The following PRR5L variants were observed in gnomAD, a reference collection of about 807,000 sequenced individuals.
The protein encoded by PRR5L is proline-rich protein 5-like.
In PRR5L, 21 loss-of-function variants were observed where a neutral mutation model predicts 36.4. The observed-to-expected ratio is 0.58, with a 90% CI of 0.41 to 0.83. The LOEUF (loss-of-function observed/expected upper bound fraction) is 0.83, where lower values mean the gene tolerates loss of function less well. PRR5L is among the 40% of genes least tolerant of loss of function. PRR5L has a pLI of 0.00. For missense variants in PRR5L, 381 were observed against 473.3 expected (o/e 0.80, Z 1.81); for synonymous variants, 188 against 197.0 (o/e 0.95, Z 0.38).
rs1856847860 is a variant in PRR5L at position 36,344,713 on chromosome 11, T to G, written c.-126+48275T>G. Among the ~76,000 whole-genome samples the G allele has an allele frequency of 1.3e-5, 2 of 152,204 alleles. No homozygotes were observed. The highest frequency in any genetic ancestry group is 2.1e-4 in the South Asian group (1 of 4,832). ...TTTGTAAATAACAAAAAATGAGCAT[T>G]ACTTTTCAAGACTGAGATTAAAAAA... On this transcript the variant is annotated intron_variant, in intron 1 of 8. Coordinates refer to ENST00000530639, the MANE Select transcript of PRR5L (RefSeq NM_001160167.2). The surrounding 1 kb of genome is among the most constrained non-coding windows in gnomAD (Gnocchi z 4.1).
chr11:36,413,080 T>G (rs1410554457), intron 3 of PRR5L, among the ~76,000 whole-genome samples: 1 of 152,068 alleles, frequency 6.6e-6, no homozygotes, highest in African/African-American at 2.4e-5. Context: ...GAATAGAGGT[T>G]TTTTTCAGAA....
intron 1 of PRR5L, among the ~76,000 whole-genome samples, chr11:36,369,382 A>T (rs1857175602): frequency 6.6e-6 from 1 of 152,040 alleles, no homozygotes; most frequent in African/African-American, 2.4e-5. Flanking sequence ...TTTGATTGGC[A>T]CATCTCATCT....
intron 1 of PRR5L, among the ~76,000 whole-genome samples, chr11:36,368,142 T>C (rs1045335724): frequency 9.2e-5 from 14 of 151,930 alleles, no homozygotes; most frequent in African/African-American, 3.1e-4. Flanking sequence ...TTCTGGGATA[T>C]TGGAAAAATT....
At chr11:36,306,883 A>C (rs1005564065) in intron 1 of PRR5L, among the ~76,000 whole-genome samples, 8 of 152,008 alleles carry the variant, frequency 5.3e-5, no homozygotes, top group Non-Finnish European at 1.0e-4. Flanking sequence ...GTGCTAAAAA[A>C]AAGAACATGT....
chr11:36,307,268 A>T (rs189572811), intron 1 of PRR5L, among the ~76,000 whole-genome samples: 22 of 152,190 alleles, frequency 1.4e-4, no homozygotes, highest in Non-Finnish European at 2.2e-4. Flanking sequence ...TCACAATTCC[A>T]TGACAGAGGT....
chr11:36,443,784 G>GACAA lies in PRR5L; in HGVS notation c.445-2516_445-2515insACAA, dbSNP rs1416108564. Among the ~76,000 whole-genome samples, 16 of 152,326 alleles carry GACAA rather than the reference G, an allele frequency of 1.1e-4. No individual in the cohort carries two copies. In the Middle Eastern group the frequency reaches 0.01, roughly 97 times the overall value. Reference sequence around the variant, plus strand: ...AGTTGACAATGGGTGACTGTTGAGTGTCTACCATATACTGGCACTGTTATG... The same window carrying GACAA: ...AGTTGACAATGGGTGACTGTTGAGTGACAATCTACCATATACTGGCACTGTTATG... On this transcript the variant is annotated intron_variant, in intron 6 of 8. Transcript: ENST00000530639.
chr11:36,401,165 A>G lies in PRR5L; in HGVS notation c.44A>G (p.Lys15Arg). ...FAPILPVEFH[K>R]MGSFRRPRPR... ...CCCATTCTGCCCGTCGAGTTCCACA[A>G]GATGGGCTCCTTCCGCAGGCCTAGA... is the stretch of plus-strand genomic sequence containing the variant. The change falls in exon 2 of 9, where the codon AAG (lysine) becomes AGG (arginine). Residue 15 changes from lysine (K) to arginine (R), a missense_variant. By Grantham distance (26) the Lys-to-Arg change is conservative. Transcript: ENST00000530639. 2 of 1,614,162 alleles carry G rather than the reference A, an allele frequency of 1.2e-6. No individual in the cohort carries two copies. The highest frequency in any genetic ancestry group is 1.7e-6 in the Non-Finnish European group (2 of 1,180,030).
At chr11:36,446,743 A>C (rs1054307628) in intron 7 of PRR5L, among the ~76,000 whole-genome samples, 11 of 152,204 alleles carry the variant, frequency 7.2e-5, no homozygotes, top group Admixed American at 5.9e-4. Flanking sequence ...CCAGGGAGCC[A>C]CAAGTTGCAA....
chr11:36,344,958 A>G lies in PRR5L; in HGVS notation c.-126+48520A>G, dbSNP rs577116167. 6.6e-6 allele frequency among the ~76,000 whole-genome samples: 1 copy of G among 152,336 alleles called. No homozygotes were observed. Among genetic ancestry groups the G allele is most frequent in the Admixed American group, 6.5e-5 (1 of 15,300 alleles). On this transcript the variant is annotated intron_variant, in intron 1 of 8. Coordinates refer to ENST00000530639, the MANE Select transcript of PRR5L (RefSeq NM_001160167.2). This position sits in a 1 kb window ranked among gnomAD's most constrained non-coding sequence, Gnocchi z 4.1. The stretch of plus-strand genomic sequence containing the variant: ...GTCATCAAATTTTCAGGCAGGGGCC[A>G]GAAAGGAAAAACTAGTTCACAAAGA...
intron 1 of PRR5L, chr11:36,376,381 C>A (rs1466988046): frequency 2.6e-5 from 30 of 1,148,070 alleles, no homozygotes; most frequent in Admixed American, 4.0e-5. Context: ...AGGAGGCGGC[C>A]GTAAGATGAG....
At position 36,401,149 on chromosome 11, in the gene PRR5L, C is replaced by T. The variant is rs762312605; in HGVS notation, c.28C>T (p.Pro10Ser). 14 of 1,614,052 alleles carry T rather than the reference C, an allele frequency of 8.7e-6. No individual in the cohort carries two copies. Among genetic ancestry groups the T allele is most frequent in the South Asian group, 5.5e-5 (5 of 91,076 alleles). The change falls in exon 2 of 9, where the codon CCC becomes TCC. Residue 10 changes from proline (P) to serine (S), a missense_variant. Coordinates refer to ENST00000530639, the MANE Select transcript of PRR5L (RefSeq NM_001160167.2). MTRGFAPIL[P>S]VEFHKMGSFR... ...GACCCGCGGCTTCGCTCCCATTCTG[C>T]CCGTCGAGTTCCACAAGATGGGCTC...
At chr11:36,434,783 G>A (rs1858571199) in intron 5 of PRR5L, among the ~76,000 whole-genome samples, 1 of 152,056 alleles carries the variant, frequency 6.6e-6, no homozygotes, top group African/African-American at 2.4e-5. Flanking sequence ...TTCTCCCCCA[G>A]GGCTACCCTG....
At chr11:36,412,974 G>C (rs1858058571) in intron 3 of PRR5L, among the ~76,000 whole-genome samples, 1 of 152,154 alleles carries the variant, frequency 6.6e-6, no homozygotes, top group African/African-American at 2.4e-5. Flanking sequence ...GGGGAAGGTA[G>C]CTTTTAAGTG....
chr11:36,410,423 T>TG (rs57025159), intron 3 of PRR5L, among the ~76,000 whole-genome samples: 4 of 152,092 alleles, frequency 2.6e-5, no homozygotes, highest in Admixed American at 6.6e-5. Flanking sequence ...CCCTGTGGCA[T>TG]GGGGGGTACC....
At chr11:36,357,719 G>T (rs1299858025) in intron 1 of PRR5L, among the ~76,000 whole-genome samples, 2 of 151,922 alleles carry the variant, frequency 1.3e-5, no homozygotes, top group Non-Finnish European at 2.9e-5. Flanking sequence ...AAAAAAAAAA[G>T]ATGCCTTTAA....
chr11:36,315,043 AG>A (rs1439529778), intron 1 of PRR5L, among the ~76,000 whole-genome samples: 1 of 152,206 alleles, frequency 6.6e-6, no homozygotes, highest in African/African-American at 2.4e-5. Context: ...GATTTCTCAC[AG>A]TAGAAAATGG....
intron 1 of PRR5L, among the ~76,000 whole-genome samples, chr11:36,327,615 T>C (rs1856677824): frequency 6.6e-6 from 1 of 152,232 alleles, no homozygotes; most frequent in African/African-American, 2.4e-5. Context: ...TAAGTGAGAA[T>C]CTAGCACTTT....
intron 1 of PRR5L, among the ~76,000 whole-genome samples, chr11:36,357,771 G>A (rs929922976): frequency 6.6e-6 from 1 of 152,292 alleles, no homozygotes; most frequent in African/African-American, 2.4e-5. Flanking sequence ...TCACCCAGAA[G>A]TTGTGATAAA....
intron 1 of PRR5L, among the ~76,000 whole-genome samples, chr11:36,380,977 C>T (rs558758931): frequency 6.6e-6 from 1 of 152,178 alleles, no homozygotes; most frequent in Non-Finnish European, 1.5e-5. Context: ...ACATCTACCC[C>T]CTCCAAACAA....
Sources: allele counts gnomAD v4.1 joint callset (sites outside exome capture counted in the v4.1 genomes callset), GRCh38; gene constraint gnomAD v4.1.1; non-coding constraint Gnocchi (gnomAD v3.1); transcripts MANE v1.5; gene names NCBI Gene and HGNC (gene_info 2026-07-23, HGNC 2026-07-21).